PRKCE: variants seen among roughly 807,000 people sequenced by gnomAD.
PRKCE encodes the protein protein kinase C epsilon.
In PRKCE, 16 loss-of-function variants were observed where a neutral mutation model predicts 85.4. That is an observed-to-expected ratio of 0.19 (90% CI 0.13 to 0.28). The LOEUF (loss-of-function observed/expected upper bound fraction) is 0.28. PRKCE is among the 10% of genes least tolerant of loss of function. The pLI is 1.00. For missense variants in PRKCE, 573 were observed against 975.2 expected (o/e 0.59, Z 5.49); for synonymous variants, 388 against 371.5 (o/e 1.04, Z -0.51).
intron 1 of PRKCE, among the ~76,000 whole-genome samples, chr2:45,664,938 A>G (rs1675842142): frequency 6.6e-6 from 1 of 152,216 alleles, no homozygotes; most frequent in Admixed American, 6.5e-5. Context: ...AATGCAGTGC[A>G]CACTGATTGT....
intron 2 of PRKCE, among the ~76,000 whole-genome samples, chr2:45,898,458 C>T (rs1405379114): frequency 6.6e-6 from 1 of 152,172 alleles, no homozygotes; most frequent in Non-Finnish European, 1.5e-5. Flanking sequence ...TTGGATAACA[C>T]TTAAGGAACA....
chr2:46,023,914 C>A (rs1451358390), intron 10 of PRKCE, among the ~76,000 whole-genome samples: 1 of 152,126 alleles, frequency 6.6e-6, no homozygotes, highest in East Asian at 1.9e-4. Context: ...TCATTACATG[C>A]CAGGTTCAAC....
At chr2:45,880,613 G>T (rs1374129078) in intron 2 of PRKCE, among the ~76,000 whole-genome samples, 5 of 152,016 alleles carry the variant, frequency 3.3e-5, no homozygotes, top group African/African-American at 1.2e-4. Context: ...TCCCTGGACA[G>T]CAGTGTAAAA....
At chr2:46,134,879 C>T (rs1334262067) in intron 11 of PRKCE, among the ~76,000 whole-genome samples, 2 of 152,220 alleles carry the variant, frequency 1.3e-5, no homozygotes, top group African/African-American at 2.4e-5. Context: ...ATGCCTGCTT[C>T]CCCTCAGCAG....
At position 45,975,635 on chromosome 2, in the gene PRKCE, A is replaced by G. The variant is rs1421530761; in HGVS notation, c.413-794A>G. On this transcript the variant is annotated intron_variant, in intron 2 of 14. Coordinates refer to ENST00000306156, the MANE Select transcript of PRKCE (RefSeq NM_005400.3). ...TAATTTTGAGGGGGCAAAAATATGT[A>G]GCCCATAACAATTATCTTTATTATT... 7.2e-5 allele frequency among the ~76,000 whole-genome samples: 11 copies of G among 152,226 alleles called. No homozygotes were observed. The East Asian group carries it at 2.1e-3, about 29-fold the overall frequency.
chr2:45,660,016 A>G (rs1234492815), intron 1 of PRKCE, among the ~76,000 whole-genome samples: 2 of 152,208 alleles, frequency 1.3e-5, no homozygotes, highest in Non-Finnish European at 2.9e-5. Context: ...GAATGAATGA[A>G]TAAATTGTTG....
chr2:45,719,572 T>C (rs1436249730), intron 1 of PRKCE, among the ~76,000 whole-genome samples: 1 of 152,196 alleles, frequency 6.6e-6, no homozygotes, highest in African/African-American at 2.4e-5. Flanking sequence ...GGGTCACATC[T>C]GAAAGACAGG....
rs546478883 is a variant in PRKCE, at chr2:45,868,753, A to G, written c.412+25690A>G. Among the ~76,000 whole-genome samples the G allele has an allele frequency of 2.7e-5, 4 of 149,972 alleles. 1 individual carries two copies. Among genetic ancestry groups the G allele is most frequent in the Admixed American group, 6.6e-5 (1 of 15,126 alleles). On this transcript the variant is annotated intron_variant, in intron 2 of 14. Coordinates refer to ENST00000306156, the MANE Select transcript of PRKCE (RefSeq NM_005400.3). The stretch of plus-strand genomic sequence containing the variant: ...GGAGTTCAAGACCAGCCTGGCCAAC[A>G]TGGGGAAACCCCATCTCTACTAAAA...
chr2:45,872,344 G>T (rs1295388227), intron 2 of PRKCE, among the ~76,000 whole-genome samples: 1 of 152,194 alleles, frequency 6.6e-6, no homozygotes. Context: ...GAGGCAAAGG[G>T]TGGAAACGAG....
intron 6 of PRKCE, among the ~76,000 whole-genome samples, chr2:45,988,778 G>A (rs888686380): frequency 6.6e-6 from 1 of 152,164 alleles, no homozygotes; most frequent in Non-Finnish European, 1.5e-5. Context: ...CCAGGTTCCA[G>A]GAGCAGCATC....
chr2:45,761,829 A>G (rs1684530360), intron 1 of PRKCE, among the ~76,000 whole-genome samples: 2 of 151,848 alleles, frequency 1.3e-5, no homozygotes, highest in Non-Finnish European at 2.9e-5. Context: ...CCGCTTTCTC[A>G]CCCTTCCTGC....
At chr2:45,834,552 G>T (rs1690694477) in intron 1 of PRKCE, among the ~76,000 whole-genome samples, 1 of 152,114 alleles carries the variant, frequency 6.6e-6, no homozygotes, top group Non-Finnish European at 1.5e-5. Flanking sequence ...TCCTTCTGGA[G>T]ATAAGGACGT....
At chr2:45,813,928 C>A (rs1480232809) in intron 1 of PRKCE, among the ~76,000 whole-genome samples, 3 of 152,156 alleles carry the variant, frequency 2.0e-5, no homozygotes, top group Admixed American at 1.3e-4. Context: ...AGCTAAACCT[C>A]CAAGACACGT....
At chr2:45,848,873 G>C (rs1187370309) in intron 2 of PRKCE, among the ~76,000 whole-genome samples, 1 of 152,170 alleles carries the variant, frequency 6.6e-6, no homozygotes, top group Non-Finnish European at 1.5e-5. Flanking sequence ...AATAACCCAG[G>C]AAAACTTCAA....
intron 11 of PRKCE, among the ~76,000 whole-genome samples, chr2:46,087,616 C>T (rs1032460245): frequency 2.6e-5 from 4 of 152,218 alleles, no homozygotes; most frequent in Admixed American, 6.5e-5. Context: ...TGGGAATCGA[C>T]GCATTTGTTT....
intron 6 of PRKCE, among the ~76,000 whole-genome samples, chr2:45,995,596 A>T (rs1704149023): frequency 6.6e-6 from 1 of 152,146 alleles, no homozygotes; most frequent in Admixed American, 6.5e-5. Context: ...ATTTGTTGAA[A>T]ACTGTCTTTG....
intron 2 of PRKCE, among the ~76,000 whole-genome samples, chr2:45,933,213 T>C (rs193013010): frequency 5.4e-4 from 83 of 152,348 alleles, no homozygotes; most frequent in Admixed American, 9.8e-4. Context: ...TTCATAGATA[T>C]TGGATATGAG....
chr2:45,989,648 TAA>T (rs34422241), intron 6 of PRKCE, among the ~76,000 whole-genome samples: 2 of 147,232 alleles, frequency 1.4e-5, no homozygotes. Context: ...TTTCCTTGTT[TAA>T]AAAAAAAAAA....
chr2:45,670,857 C>T (rs566527457), intron 1 of PRKCE, among the ~76,000 whole-genome samples: 7 of 152,336 alleles, frequency 4.6e-5, no homozygotes, highest in South Asian at 4.1e-4. Context: ...AAGTCTCTGA[C>T]GACAAATAAT....
Sources: allele counts gnomAD v4.1 joint callset (sites outside exome capture counted in the v4.1 genomes callset), GRCh38; gene constraint gnomAD v4.1.1; transcripts MANE v1.5; gene names NCBI Gene and HGNC (gene_info 2026-07-23, HGNC 2026-07-21).